RELN: variants seen among roughly 807,000 people sequenced by gnomAD.
The protein encoded by RELN is reelin.
A neutral mutation model predicts 427.6 loss-of-function variants in RELN; 108 were observed. That is an observed-to-expected ratio of 0.25 (90% CI 0.22 to 0.30). The LOEUF (loss-of-function observed/expected upper bound fraction) is 0.30, where lower values mean the gene tolerates loss of function less well. RELN is among the 10% of genes least tolerant of loss of function. The pLI is 1.00. For missense variants in RELN, 3,715 were observed against 4,302.8 expected (o/e 0.86, Z 3.82); for synonymous variants, 1,524 against 1,513.4 (o/e 1.01, Z -0.16).
chr7:103,743,761 AG>A lies in RELN; in HGVS notation c.656+5664del, dbSNP rs555998659. Among the ~76,000 whole-genome samples, 16 of 152,328 alleles carry A rather than the reference AG, an allele frequency of 1.1e-4. No homozygotes were observed. In the East Asian group the frequency reaches 2.7e-3, roughly 26 times the overall value. On this transcript the variant is annotated intron_variant, in intron 6 of 64. Coordinates refer to ENST00000428762, the MANE Select transcript of RELN (RefSeq NM_005045.4). ...AATACAGGAGCACCCAGATTCATAA[AG>A]CAAGTCCTGAGTGACCTACAAAGAG...
At chr7:103,682,081 C>G (rs200243267) in intron 11 of RELN, 35 bp downstream of exon 11, 1,209 of 1,592,706 alleles carry the variant, frequency 7.6e-4, no homozygotes, top group Non-Finnish European at 1.0e-3. Context: ...AATGTAAGTG[C>G]TACATACACA....
chr7:103,686,703 A>T (rs1005433317), intron 10 of RELN, among the ~76,000 whole-genome samples: 3 of 152,118 alleles, frequency 2.0e-5, no homozygotes, highest in Non-Finnish European at 4.4e-5. Context: ...TCTACATATT[A>T]TTGTGTTTTT....
At chr7:103,570,045 C>CA (rs1170704144) in intron 31 of RELN, among the ~76,000 whole-genome samples, 6 of 152,164 alleles carry the variant, frequency 3.9e-5, no homozygotes, top group Non-Finnish European at 8.8e-5. Flanking sequence ...AGCAGATTTA[C>CA]ATTTTAACAA....
intron 2 of RELN, among the ~76,000 whole-genome samples, chr7:103,914,332 C>T (rs962514083): frequency 1.3e-5 from 2 of 152,016 alleles, no homozygotes; most frequent in African/African-American, 4.8e-5. Flanking sequence ...TCAGTTCTGA[C>T]AAACTGACAA....
chr7:103,613,459 C>A (rs958159084), intron 20 of RELN, among the ~76,000 whole-genome samples: 7 of 152,056 alleles, frequency 4.6e-5, no homozygotes, highest in African/African-American at 1.7e-4. Flanking sequence ...CTGTAGAATG[C>A]AATTTTTAGC....
intron 17 of RELN, among the ~76,000 whole-genome samples, chr7:103,638,838 G>A (rs532972361): frequency 6.6e-6 from 1 of 152,300 alleles, no homozygotes; most frequent in African/African-American, 2.4e-5. Flanking sequence ...TCCACCATGG[G>A]TGGCATAGAT....
In RELN at chr7:103,678,495, G is replaced by A. The variant is rs142770394; in HGVS notation, c.1289+3621C>T. ...TCAACACCGGATTTCGGACAGCTAA[G>A]TGATGTGAAAGGCACACAGCTCTTG... On this transcript the variant is annotated intron_variant, in intron 11 of 64. Transcript: ENST00000428762. Among the ~76,000 whole-genome samples, 4 of 152,312 alleles carry A rather than the reference G, an allele frequency of 2.6e-5. No homozygotes were observed. The East Asian group carries it at 7.7e-4, about 29-fold the overall frequency.
chr7:103,726,351 T>C (rs1271894372), intron 7 of RELN, among the ~76,000 whole-genome samples: 1 of 152,168 alleles, frequency 6.6e-6, no homozygotes, highest in East Asian at 1.9e-4. Flanking sequence ...AATCTCACCA[T>C]ACAAATTCAT....
chr7:103,485,254 G>T (rs867057569), intron 61 of RELN, among the ~76,000 whole-genome samples: 55 of 126,062 alleles, frequency 4.4e-4, no homozygotes, highest in African/African-American at 1.7e-3. Context: ...AAAAAAAAAA[G>T]GAAGATGATA....
chr7:103,545,151 G>C lies in RELN; in HGVS notation c.6496C>G (p.Pro2166Ala), dbSNP rs767124884. The change falls in exon 42 of 65, where the codon CCT becomes GCT. Residue 2166 changes from proline to alanine, a missense_variant. Pro to Ala is a conservative substitution (Grantham distance 27). Coordinates refer to ENST00000428762, the MANE Select transcript of RELN (RefSeq NM_005045.4). ...TCGAAATCATCTTTGAGAAAATCAG[G>C]ATTTTTGGTGCTTATTTTACAGGTT... ...GPTCKISTKN[P>A]DFLKDDFEGQ... The C allele has an allele frequency of 6.2e-7, 1 of 1,613,868 alleles. No individual in the cohort carries two copies. Among genetic ancestry groups the C allele is most frequent in the East Asian group, 2.2e-5 (1 of 44,880 alleles).
At chr7:103,947,000 T>C (rs1181599595) in intron 1 of RELN, among the ~76,000 whole-genome samples, 1 of 152,284 alleles carries the variant, frequency 6.6e-6, no homozygotes, top group African/African-American at 2.4e-5. Flanking sequence ...GTCTAGTAAA[T>C]CTTCTAAACA....
chr7:103,960,915 T>C (rs7792642), intron 1 of RELN, among the ~76,000 whole-genome samples: 109,795 of 152,160 alleles, frequency 0.72, 40,831 homozygotes, highest in African/African-American at 0.92. Context: ...TTTTACTCTT[T>C]GGAAATCACT....
At chr7:103,678,436 C>A (rs1026313819) in intron 11 of RELN, among the ~76,000 whole-genome samples, 4 of 152,076 alleles carry the variant, frequency 2.6e-5, no homozygotes, top group Admixed American at 6.6e-5. Context: ...AAGAAAAAAA[C>A]AACTTTAAAA....
intron 1 of RELN, among the ~76,000 whole-genome samples, chr7:103,926,099 C>CTTTT (rs55899563): frequency 0.024 from 2,136 of 89,944 alleles, 290 homozygotes; most frequent in African/African-American, 0.083. Flanking sequence ...CCCACCCCGC[C>CTTTT]TTTTTTTTTT....
chr7:103,744,570 C>T lies in RELN; in HGVS notation c.656+4856G>A, dbSNP rs1216256957. 1.9e-4 allele frequency among the ~76,000 whole-genome samples: 28 copies of T among 150,918 alleles called. No homozygotes were observed. In the East Asian group the frequency reaches 4.2e-3, roughly 22 times the overall value. ...AGAATCAAATAGATGCAATAAAAAA[C>T]GATAAAGGGGATATCACCACTGATC... On this transcript the variant is annotated intron_variant, in intron 6 of 64. Coordinates refer to ENST00000428762, the MANE Select transcript of RELN (RefSeq NM_005045.4).
intron 45 of RELN, among the ~76,000 whole-genome samples, chr7:103,538,013 A>C (rs1171989376): frequency 1.3e-5 from 2 of 152,098 alleles, no homozygotes; most frequent in East Asian, 3.9e-4. Context: ...ACTTTCTTTG[A>C]GGTATCCCAT....
At position 103,891,902 on chromosome 7, in the gene RELN, C is replaced by T. The variant is rs185648608; in HGVS notation, c.337+25173G>A. ...CACTTTCTTTCCAGCATTCTAGACACGCTTTCTTCAACCCACAGGAACAGA... is the reference window on the plus strand; with the variant it reads ...CACTTTCTTTCCAGCATTCTAGACATGCTTTCTTCAACCCACAGGAACAGA... On this transcript the variant is annotated intron_variant, in intron 2 of 64. Transcript: ENST00000428762. Among the ~76,000 whole-genome samples the T allele has an allele frequency of 3.0e-4, 45 of 152,144 alleles. 1 individual carries two copies. The highest frequency in any genetic ancestry group is 8.7e-4 in the African/African-American group (36 of 41,516).
rs1830024784 is a variant in RELN at position 103,535,306 on chromosome 7, G to A, written c.7349+10C>T. 2.5e-6 allele frequency: 4 copies of A among 1,613,276 alleles called. No homozygotes were observed. Among genetic ancestry groups the A allele is most frequent in the African/African-American group, 2.7e-5 (2 of 74,986 alleles). On this transcript the variant is annotated intron_variant, in intron 46 of 64. Coordinates refer to ENST00000428762, the MANE Select transcript of RELN (RefSeq NM_005045.4). ...AGAAGCATGTGGTGAACATGTAGAA[G>A]CATTCTTACCTGGTATAAGGAGGGA...
At chr7:103,683,547 C>G (rs115402010) in intron 10 of RELN, among the ~76,000 whole-genome samples, 2,511 of 152,184 alleles carry the variant, frequency 0.016, 69 homozygotes, top group African/African-American at 0.057. Flanking sequence ...ATTTCTATCA[C>G]CTAGTGATGT....
Sources: allele counts gnomAD v4.1 joint callset (sites outside exome capture counted in the v4.1 genomes callset), GRCh38; gene constraint gnomAD v4.1.1; transcripts MANE v1.5; gene names NCBI Gene and HGNC (gene_info 2026-07-23, HGNC 2026-07-21).